Variants in PTH2R observed in about 807,000 individuals in gnomAD.
The protein encoded by PTH2R is PTH2 receptor.
In PTH2R, 59 loss-of-function variants were observed where a neutral mutation model predicts 60.3. The observed-to-expected ratio is 0.98, with a 90% CI of 0.79 to 1.22. The LOEUF (loss-of-function observed/expected upper bound fraction) is 1.22, where lower values mean the gene tolerates loss of function less well. PTH2R is among the 50% of genes most tolerant of loss of function. The pLI is 0.00. For synonymous variants in PTH2R, 256 were observed against 243.8 expected (o/e 1.05, Z -0.47); for missense variants, 749 against 682.6 (o/e 1.10, Z -1.08).
At chr2:208,448,133 A>G (rs150775864) in intron 7 of PTH2R, among the ~76,000 whole-genome samples, 1 of 152,068 alleles carries the variant, frequency 6.6e-6, no homozygotes, top group Non-Finnish European at 1.5e-5. Flanking sequence ...CCACACTCCC[A>G]TTTTATTCCC....
At chr2:208,438,830 T>G (rs1702128666) in intron 4 of PTH2R, among the ~76,000 whole-genome samples, 1 of 152,156 alleles carries the variant, frequency 6.6e-6, no homozygotes, top group Non-Finnish European at 1.5e-5. Flanking sequence ...TCTTTGATTT[T>G]GCATTAATAG....
intron 9 of PTH2R, among the ~76,000 whole-genome samples, chr2:208,471,540 A>G (rs1702880670): frequency 6.6e-6 from 1 of 152,240 alleles, no homozygotes; most frequent in African/African-American, 2.4e-5. Context: ...GTAAGTATAC[A>G]GAAGTCAAAA....
intron 1 of PTH2R, among the ~76,000 whole-genome samples, chr2:208,362,095 CT>C (rs1277888251): frequency 6.6e-6 from 1 of 152,242 alleles, no homozygotes; most frequent in Non-Finnish European, 1.5e-5. Flanking sequence ...GGACATCCAT[CT>C]TCTGCCATCA....
At chr2:208,491,516 T>G (rs1391260111) in intron 12 of PTH2R, among the ~76,000 whole-genome samples, 1 of 152,190 alleles carries the variant, frequency 6.6e-6, no homozygotes, top group Non-Finnish European at 1.5e-5. Context: ...GAGAGCCTTC[T>G]CTCTTACAGA....
intron 1 of PTH2R, among the ~76,000 whole-genome samples, chr2:208,398,357 T>G (rs1701250100): frequency 6.6e-6 from 1 of 152,238 alleles, no homozygotes; most frequent in Non-Finnish European, 1.5e-5. Context: ...GTCAAACATG[T>G]CTCATGCAAG....
intron 1 of PTH2R, among the ~76,000 whole-genome samples, chr2:208,425,602 G>C (rs941089305): frequency 1.3e-5 from 2 of 152,176 alleles, no homozygotes; most frequent in African/African-American, 4.8e-5. Flanking sequence ...GCTGTATACT[G>C]TCACTTCTAT....
chr2:208,402,877 T>C (rs1701336038), upstream of PTH2R, among the ~76,000 whole-genome samples: 1 of 152,244 alleles, frequency 6.6e-6, no homozygotes, highest in Admixed American at 6.5e-5. Context: ...GCGCATTCTA[T>C]AGGGGCACGG....
chr2:208,415,731 G>A (rs577310086), intron 1 of PTH2R, among the ~76,000 whole-genome samples: 2 of 152,236 alleles, frequency 1.3e-5, no homozygotes, highest in South Asian at 4.1e-4. Context: ...TGATAGCACA[G>A]CATTCAGTCA....
At chr2:208,422,455 A>G (rs1404408347) in intron 1 of PTH2R, among the ~76,000 whole-genome samples, 5 of 152,374 alleles carry the variant, frequency 3.3e-5, no homozygotes, top group East Asian at 3.9e-4. Flanking sequence ...AAAACTTAAT[A>G]TATAAATGTT....
chr2:208,478,020 C>T (rs1023838485), intron 9 of PTH2R, among the ~76,000 whole-genome samples: 5 of 148,752 alleles, frequency 3.4e-5, no homozygotes, highest in Non-Finnish European at 7.4e-5. Flanking sequence ...TAAAATCTCA[C>T]CAGAAACTTC....
At chr2:208,478,158 T>C (rs1703061232) in intron 9 of PTH2R, among the ~76,000 whole-genome samples, 1 of 152,214 alleles carries the variant, frequency 6.6e-6, no homozygotes, top group Non-Finnish European at 1.5e-5. Flanking sequence ...ATTCTATTGT[T>C]ATCTTTTCTT....
At chr2:208,359,731 A>C (rs1700402717) in exon 1 of PTH2R, 1 of 153,218 alleles carries the variant, frequency 6.5e-6, no homozygotes, top group South Asian at 2.0e-4. Context: ...GAGGGACCAC[A>C]GGTCCACTAC....
rs1412947622 is a variant in PTH2R at position 208,443,530 on chromosome 2, C to T, written c.692C>T (p.Ser231Leu). ...NSIEATSVDK[S>L]QYIGCKIAVV... is the part of the protein sequence containing the mutation. Reference sequence around the variant, plus strand: ...ATTGAGGCAACTTCTGTGGACAAATCACAATATGTAAGTGTTTTCACCATT... The same window carrying T: ...ATTGAGGCAACTTCTGTGGACAAATTACAATATGTAAGTGTTTTCACCATT... Residue 231 changes from serine to leucine, a missense_variant, in exon 6 of 13, where the codon TCA (serine) becomes TTA (leucine). Transcript: ENST00000272847. 1 of 1,603,248 alleles carries T rather than the reference C, an allele frequency of 6.2e-7. No homozygotes were observed.
chr2:208,478,615 C>T (rs902312847), intron 9 of PTH2R, among the ~76,000 whole-genome samples: 11 of 152,088 alleles, frequency 7.2e-5, no homozygotes, highest in African/African-American at 2.7e-4. Context: ...GTTTTTTGTT[C>T]TAATAGTGAT....
chr2:208,443,506 T>C lies in PTH2R; in HGVS notation c.668T>C (p.Ile223Thr), dbSNP rs200037845. 1.1e-4 allele frequency: 185 copies of C among 1,610,214 alleles called. No homozygotes were observed. Among genetic ancestry groups the C allele is most frequent in the South Asian group, 1.1e-3 (96 of 90,090 alleles). Residue 223 changes from isoleucine to threonine, a missense_variant, in exon 6 of 13, where the codon ATT becomes ACT. Physicochemically the swap from Ile to Thr is moderately conservative, Grantham distance 89 (BLOSUM62 -1). Transcript: ENST00000272847. ...ATGCAGGATGACCCACAAAATTCCA[T>C]TGAGGCAACTTCTGTGGACAAATCA... ...LIMQDDPQNS[I>T]EATSVDKSQY...
upstream of PTH2R, among the ~76,000 whole-genome samples, chr2:208,406,657 C>T (rs952519143): frequency 2.0e-5 from 3 of 152,170 alleles, no homozygotes; most frequent in African/African-American, 7.2e-5. Context: ...CCTTTGCCCT[C>T]CGCCCCCTGG....
At chr2:208,369,880 A>C (rs181206095) in intron 1 of PTH2R, among the ~76,000 whole-genome samples, 18 of 152,190 alleles carry the variant, frequency 1.2e-4, no homozygotes, top group Non-Finnish European at 2.5e-4. Flanking sequence ...CTAAGTTCTC[A>C]GTAATGAGAA....
At chr2:208,363,884 T>G (rs567550335) in intron 1 of PTH2R, among the ~76,000 whole-genome samples, 2 of 152,314 alleles carry the variant, frequency 1.3e-5, no homozygotes, top group South Asian at 4.1e-4. Context: ...GCTTGTTAAT[T>G]TAAGTTTCAT....
At chr2:208,483,936 C>T (rs575992443) in intron 10 of PTH2R, among the ~76,000 whole-genome samples, 9 of 152,268 alleles carry the variant, frequency 5.9e-5, no homozygotes, top group African/African-American at 2.2e-4. Context: ...TAAATAGCAT[C>T]TCACTTTTTA....
Sources: allele counts gnomAD v4.1 joint callset (sites outside exome capture counted in the v4.1 genomes callset), GRCh38; gene constraint gnomAD v4.1.1; transcripts MANE v1.5; gene names NCBI Gene and HGNC (gene_info 2026-07-23, HGNC 2026-07-21).